The following DEPTOR variants were observed in gnomAD, a reference collection of about 807,000 sequenced individuals.
The protein encoded by DEPTOR is DEP domain-containing mTOR-interacting protein.
In DEPTOR, 41 loss-of-function variants were observed where a neutral mutation model predicts 41.6. The observed-to-expected ratio is 0.98, with a 90% CI of 0.77 to 1.28. The LOEUF (loss-of-function observed/expected upper bound fraction) is 1.28, where lower values mean the gene tolerates loss of function less well. Ranked by LOEUF, DEPTOR falls within the 50% of genes most tolerant of loss-of-function variation. The pLI, the probability that DEPTOR is intolerant of heterozygous loss-of-function variation, is 0.00. For missense variants in DEPTOR, 514 were observed against 527.9 expected, an observed-to-expected ratio of 0.97 and a Z score of 0.26; for synonymous variants, 195 against 192.3, an observed-to-expected ratio of 1.01 and a Z score of -0.12.
intron 1 of DEPTOR, among the ~76,000 whole-genome samples, chr8:119,881,181 T>A (rs1338262726): frequency 6.6e-6 from 1 of 152,214 alleles, no homozygotes; most frequent in Non-Finnish European, 1.5e-5. Flanking sequence ...AATATTGAAT[T>A]GCTTTCCTAA....
intron 8 of DEPTOR, among the ~76,000 whole-genome samples, chr8:120,027,559 G>T (rs143987530): frequency 0.01 from 1,575 of 151,684 alleles, 13 homozygotes; most frequent in South Asian, 0.022. Flanking sequence ...ACAAAAATTA[G>T]CTGGGTGTGG....
At chr8:119,985,755 C>T (rs901487473) in intron 4 of DEPTOR, among the ~76,000 whole-genome samples, 1 of 149,708 alleles carries the variant, frequency 6.7e-6, no homozygotes, top group Admixed American at 6.7e-5. Context: ...ATGTAATGCC[C>T]TTCTTTGTCT....
intron 4 of DEPTOR, among the ~76,000 whole-genome samples, chr8:119,978,022 G>A (rs1426778672): frequency 6.6e-6 from 1 of 152,026 alleles, no homozygotes; most frequent in Non-Finnish European, 1.5e-5. Flanking sequence ...GACATTAGTA[G>A]AATCTTTGTC....
intron 4 of DEPTOR, among the ~76,000 whole-genome samples, chr8:119,968,483 G>A (rs529494693): frequency 1.4e-4 from 21 of 152,124 alleles, no homozygotes; most frequent in Admixed American, 1.2e-3. Context: ...TGTATTTTTA[G>A]TAGAAACAGG....
At chr8:119,885,208 A>G (rs971409920) in intron 1 of DEPTOR, among the ~76,000 whole-genome samples, 21 of 152,084 alleles carry the variant, frequency 1.4e-4, no homozygotes, top group Admixed American at 8.5e-4. Flanking sequence ...TTTTCTATAT[A>G]TGAAAGTGAT....
intron 3 of DEPTOR, among the ~76,000 whole-genome samples, chr8:119,933,065 T>C (rs1190399285): frequency 2.0e-5 from 3 of 151,904 alleles, no homozygotes; most frequent in African/African-American, 4.8e-5. Context: ...TGGGAGGCCG[T>C]TGGAGAGGAG....
chr8:119,919,818 T>C (rs1267384937), intron 1 of DEPTOR, among the ~76,000 whole-genome samples: 2 of 152,228 alleles, frequency 1.3e-5, no homozygotes, highest in African/African-American at 4.8e-5. Context: ...GAATATGTGG[T>C]TTCAATCTCC....
chr8:119,900,027 A>C (rs1343949083), intron 1 of DEPTOR, among the ~76,000 whole-genome samples: 1 of 152,148 alleles, frequency 6.6e-6, no homozygotes, highest in African/African-American at 2.4e-5. Flanking sequence ...TGTGACAAAA[A>C]TTATAGATGT....
rs1440250860 is a variant in DEPTOR, at chr8:119,937,605, TAACTAATGTCAAG to T, written c.425+7672_425+7684del. On this transcript the variant is annotated intron_variant, in intron 3 of 8. Coordinates refer to ENST00000286234, the MANE Select transcript of DEPTOR (RefSeq NM_022783.4). Reference sequence around the variant, plus strand: ...TGTGACCAGAGATGTTTACACTATGTAACTAATGTCAAGAACTGTTAGGAGTCTGAGATTTTTA... The same window carrying T: ...TGTGACCAGAGATGTTTACACTATGTAACTGTTAGGAGTCTGAGATTTTTA... Among the ~76,000 whole-genome samples, 5 of 152,322 alleles carry T rather than the reference TAACTAATGTCAAG, an allele frequency of 3.3e-5. No homozygotes were observed. The South Asian group carries it at 6.2e-4, about 19-fold the overall frequency.
intron 5 of DEPTOR, 40 bp downstream of exon 5, chr8:120,001,750 C>A: frequency 6.3e-7 from 1 of 1,576,014 alleles, no homozygotes; most frequent in South Asian, 1.2e-5. Context: ...AAGTGTTTGT[C>A]TTTTGAGAAA....
intron 8 of DEPTOR, among the ~76,000 whole-genome samples, chr8:120,030,509 T>TTTTTTTTTTTTTTTTTTTTTTTTTC: frequency 7.9e-6 from 1 of 127,018 alleles, no homozygotes; most frequent in Non-Finnish European, 1.7e-5. Context: ...TTTTTTTTTT[T>TTTTTTTTTTTTTTTTTTTTTTTTTC]TTTTTTTTTT....
chr8:120,024,987 T>A (rs1812777495), intron 8 of DEPTOR, among the ~76,000 whole-genome samples: 1 of 152,146 alleles, frequency 6.6e-6, no homozygotes. Context: ...TCAACAAGTA[T>A]TTATTGATTA....
At chr8:119,932,190 G>T (rs1296795418) in intron 3 of DEPTOR, among the ~76,000 whole-genome samples, 1 of 151,530 alleles carries the variant, frequency 6.6e-6, no homozygotes, top group Non-Finnish European at 1.5e-5. Flanking sequence ...TCATTATGTT[G>T]TTCAGGCTGA....
At chr8:120,014,786 G>C (rs1563592667) in intron 8 of DEPTOR, among the ~76,000 whole-genome samples, 1 of 152,050 alleles carries the variant, frequency 6.6e-6, no homozygotes, top group African/African-American at 2.4e-5. Context: ...GCCTCCCAAA[G>C]TGCTGAGATT....
chr8:119,992,159 T>A (rs1812183975), intron 4 of DEPTOR, among the ~76,000 whole-genome samples: 1 of 152,116 alleles, frequency 6.6e-6, no homozygotes, highest in Non-Finnish European at 1.5e-5. Context: ...GCTAAGAAAA[T>A]AAGAGGAAAA....
intron 4 of DEPTOR, among the ~76,000 whole-genome samples, chr8:119,977,846 A>T (rs1828716190): frequency 6.6e-6 from 1 of 151,798 alleles, no homozygotes; most frequent in South Asian, 2.1e-4. Flanking sequence ...TAATTTAAAG[A>T]TGGGGTCTTG....
intron 8 of DEPTOR, among the ~76,000 whole-genome samples, chr8:120,025,224 C>T (rs997299438): frequency 5.9e-5 from 9 of 152,170 alleles, no homozygotes; most frequent in East Asian, 1.9e-4. Context: ...GGGTAAAAGA[C>T]GGATTCTCAA....
chr8:119,874,028 A>G (rs1827199547), intron 1 of DEPTOR, 60 bp downstream of exon 1: 2 of 1,593,890 alleles, frequency 1.3e-6, no homozygotes, highest in Admixed American at 3.6e-5. Context: ...TGCCCGCTGC[A>G]GTCCTGCGCG....
chr8:119,965,650 T>C (rs1213831569), intron 4 of DEPTOR, among the ~76,000 whole-genome samples: 3 of 152,192 alleles, frequency 2.0e-5, no homozygotes, highest in Non-Finnish European at 4.4e-5. Context: ...AATAAATTAT[T>C]GCAGATGCTA....
Sources: gnomAD v4.1 joint callset for allele counts (sites outside exome capture counted in the v4.1 genomes callset) on GRCh38, gnomAD v4.1.1 for gene constraint, MANE v1.5 for transcripts, NCBI Gene and HGNC (gene_info 2026-07-23, HGNC 2026-07-21) for gene names.